The following ITGB8 variants were observed in gnomAD, a reference collection of about 807,000 sequenced individuals.
ITGB8 encodes integrin subunit beta 8.
In ITGB8, 30 loss-of-function variants were observed where a neutral mutation model predicts 89.5. That is an observed-to-expected ratio of 0.34 (90% CI 0.25 to 0.45). The LOEUF is 0.45. Among genes scored for constraint, ITGB8 ranks in the 20% least tolerant of loss-of-function variants. The pLI is 1.00. For missense variants in ITGB8, 836 were observed against 933.3 expected (o/e 0.90, Z 1.36); for synonymous variants, 335 against 320.4 (o/e 1.05, Z -0.49).
chr7:20,393,282 T>C (rs1786938474), intron 7 of ITGB8, among the ~76,000 whole-genome samples: 1 of 152,234 alleles, frequency 6.6e-6, no homozygotes, highest in South Asian at 2.1e-4. Context: ...TGATAAACCA[T>C]AAAACCAGGT....
rs1451893009 is a variant in ITGB8 at position 20,410,008 on chromosome 7, T to G, written c.*11T>G. ...AGGTGCAACTTCTAAAAAAAGATTT[T>G]TAAACACTTAATGGGAAACTGGAAT... On this transcript the variant is annotated 3_prime_UTR_variant, in exon 14 of 14. Coordinates refer to ENST00000222573, the MANE Select transcript of ITGB8 (RefSeq NM_002214.3). 7.5e-6 allele frequency: 12 copies of G among 1,604,040 alleles called. No individual in the cohort carries two copies. The highest frequency in any genetic ancestry group is 9.4e-6 in the Non-Finnish European group (11 of 1,176,242).
Position 20,411,744 on chromosome 7 carries a change from T to G in ITGB8, c.*1747T>G, listed in dbSNP as rs1787768968. On this transcript the variant is annotated 3_prime_UTR_variant, in exon 14 of 14. Transcript: ENST00000222573. The stretch of plus-strand genomic sequence containing the variant: ...ATTGTCCATAATCAGCTTCCAGTCT[T>G]TCATGCTAATCAGCTTCTTAAGAGA... 1.3e-5 allele frequency: 2 copies of G among 152,500 alleles called. No homozygotes were observed. 9.4% of individuals were successfully genotyped at this position (152,500 alleles called of 1,614,324 possible).
At chr7:20,359,568 TGTCTGTAAACAGCA>T (rs1472479319) in intron 1 of ITGB8, among the ~76,000 whole-genome samples, 2 of 152,162 alleles carry the variant, frequency 1.3e-5, no homozygotes, top group African/African-American at 4.8e-5. Context: ...AGACTGTCCG[TGTCTGTAAACAGCA>T]GTCATGCTTT....
At chr7:20,370,337 G>T (rs1785877617) in intron 3 of ITGB8, among the ~76,000 whole-genome samples, 1 of 151,448 alleles carries the variant, frequency 6.6e-6, no homozygotes, top group African/African-American at 2.4e-5. Context: ...TAAGTCTTGA[G>T]ATAATTTTCT....
chr7:20,351,253 T>G (rs911451080), intron 1 of ITGB8, among the ~76,000 whole-genome samples: 23 of 152,256 alleles, frequency 1.5e-4, no homozygotes, highest in African/African-American at 5.5e-4. Context: ...TCAGTCATAC[T>G]TTGGAATAAT....
At chr7:20,362,395 C>T (rs1785538737) in intron 1 of ITGB8, among the ~76,000 whole-genome samples, 1 of 152,170 alleles carries the variant, frequency 6.6e-6, no homozygotes, top group South Asian at 2.1e-4. Flanking sequence ...ATATGTAATA[C>T]ATTTTTTAAA....
At position 20,367,036 on chromosome 7, in the gene ITGB8, A is replaced by C. The variant is rs759033015; in HGVS notation, c.238A>C (p.Ser80Arg). ...GGATTTCATTTCAGGTGGATCAAGA[A>C]GTGAACGTTGTGATATTGTTTCCAA... ...QEDFISGGSR[S>R]ERCDIVSNLI... Residue 80 changes from serine to arginine, a missense_variant, in exon 3 of 14, where the codon AGT becomes CGT. Transcript: ENST00000222573. 5 of 1,611,542 alleles carry C rather than the reference A, an allele frequency of 3.1e-6. No individual in the cohort carries two copies. In the South Asian group the frequency reaches 5.6e-5, roughly 18 times the overall value.
At chr7:20,370,625 T>TTATTAC (rs1206652254) in intron 3 of ITGB8, among the ~76,000 whole-genome samples, 1 of 150,378 alleles carries the variant, frequency 6.6e-6, no homozygotes, top group Non-Finnish European at 1.5e-5. Context: ...ATTATTATTA[T>TTATTAC]TTTGAGACGG....
chr7:20,409,742 G>T lies in ITGB8; in HGVS notation c.2151G>T (p.Lys717Asn). 1 of 1,612,720 alleles carries T rather than the reference G, an allele frequency of 6.2e-7. No individual in the cohort carries two copies. Among genetic ancestry groups the T allele is most frequent in the Non-Finnish European group, 8.5e-7 (1 of 1,179,264 alleles). ...TACAATGGAATAGTAATAAAATTAA[G>T]TCCTCATCAGATTACAGAGTGTCAG... ...VILQWNSNKI[K>N]SSSDYRVSAS... is the part of the protein sequence containing the mutation. The change falls in exon 13 of 14, where the codon AAG becomes AAT. Residue 717 changes from lysine (K) to asparagine (N), a missense_variant. By Grantham distance (94) the Lys-to-Asn change is moderately conservative (BLOSUM62 0). Around this residue, in one of 5 missense-constraint regions of ITGB8, gnomAD observed 422 missense variants for 416.9 expected, o/e 1.01. Transcript: ENST00000222573.
intron 1 of ITGB8, among the ~76,000 whole-genome samples, chr7:20,345,234 A>G (rs1186879136): frequency 6.6e-6 from 1 of 152,188 alleles, no homozygotes; most frequent in African/African-American, 2.4e-5. Context: ...AATCCAATAA[A>G]TTCTATAATT....
At chr7:20,330,448 G>C (rs561817342), upstream of ITGB8, among the ~76,000 whole-genome samples, 2 of 152,180 alleles carry the variant, frequency 1.3e-5, no homozygotes, top group African/African-American at 4.8e-5. Flanking sequence ...CTGGCGCTGA[G>C]CGAGTCTCCC....
intron 3 of ITGB8, among the ~76,000 whole-genome samples, chr7:20,373,905 G>C (rs1467989373): frequency 1.3e-5 from 2 of 152,096 alleles, no homozygotes; most frequent in Non-Finnish European, 2.9e-5. Flanking sequence ...ACCATTCTTT[G>C]AGTAGTTTAA....
At chr7:20,384,236 T>G (rs1329674068) in intron 6 of ITGB8, among the ~76,000 whole-genome samples, 2 of 152,210 alleles carry the variant, frequency 1.3e-5, no homozygotes, top group African/African-American at 4.8e-5. Flanking sequence ...CTTTGCTTCT[T>G]GGCTTTATCT....
At chr7:20,346,204 G>A (rs1200714257) in intron 1 of ITGB8, among the ~76,000 whole-genome samples, 3 of 152,140 alleles carry the variant, frequency 2.0e-5, no homozygotes, top group East Asian at 1.9e-4. Context: ...AAACATCAGC[G>A]ATTACTCATG....
intron 6 of ITGB8, among the ~76,000 whole-genome samples, chr7:20,388,625 ACTAAT>A (rs1167212532): frequency 6.6e-6 from 1 of 151,976 alleles, no homozygotes; most frequent in Non-Finnish European, 1.5e-5. Flanking sequence ...TGAAAATTCG[ACTAAT>A]CTTTTTTTTT....
intron 1 of ITGB8, among the ~76,000 whole-genome samples, chr7:20,336,680 T>C (rs1784589370): frequency 6.6e-6 from 1 of 152,212 alleles, no homozygotes; most frequent in Admixed American, 6.5e-5. Flanking sequence ...TCCTTTCTAC[T>C]CAGAACTTTC....
At chr7:20,374,807 G>A (rs1786070316) in intron 3 of ITGB8, among the ~76,000 whole-genome samples, 2 of 152,136 alleles carry the variant, frequency 1.3e-5, no homozygotes, top group Non-Finnish European at 2.9e-5. Context: ...TAGGAACTTC[G>A]ATCTGACATG....
intron 1 of ITGB8, among the ~76,000 whole-genome samples, chr7:20,334,559 T>G (rs1280663835): frequency 6.6e-6 from 1 of 152,172 alleles, no homozygotes; most frequent in African/African-American, 2.4e-5. Context: ...ATCAACTAGA[T>G]TAACATTATT....
At chr7:20,396,113 G>A (rs995496091) in intron 8 of ITGB8, among the ~76,000 whole-genome samples, 1 of 152,178 alleles carries the variant, frequency 6.6e-6, no homozygotes, top group Non-Finnish European at 1.5e-5. Flanking sequence ...GGGCACAAAA[G>A]AGAAAGGCAG....
Sources: allele counts gnomAD v4.1 joint callset (sites outside exome capture counted in the v4.1 genomes callset), GRCh38; gene constraint gnomAD v4.1.1; regional missense constraint gnomAD v4.1.1; transcripts MANE v1.5; gene names NCBI Gene and HGNC (gene_info 2026-07-23, HGNC 2026-07-21).